The following BTK variants were observed in gnomAD, a reference collection of about 807,000 sequenced individuals.
BTK encodes the protein tyrosine-protein kinase BTK.
A neutral mutation model predicts 57.4 loss-of-function variants in BTK; 5 were observed. That is an observed-to-expected ratio of 0.09 (90% CI 0.05 to 0.18). The LOEUF is 0.18. BTK is among the 10% of genes least tolerant of loss of function. The pLI is 1.00. For missense variants in BTK, 194 were observed against 501.2 expected (o/e 0.39, Z 5.85); for synonymous variants, 154 against 174.3 (o/e 0.88, Z 0.92).
At chrX:101,379,784 GA>G (rs1555981527) in intron 1 of BTK, among the ~76,000 whole-genome samples, 1 of 103,992 alleles carries the variant, frequency 9.6e-6, no homozygotes, top group African/African-American at 4.3e-5. Flanking sequence ...CAGGAGATAA[GA>G]GAGTATTCAA....
Position 101,360,090 on chromosome X carries a change from A to G in BTK, c.837T>C (p.Tyr279=). 1 of 1,195,062 alleles carries G rather than the reference A, an allele frequency of 8.4e-7. No homozygotes were observed. The highest frequency in any genetic ancestry group is 1.1e-6 in the Non-Finnish European group (1 of 884,018). Residue 279 remains tyrosine, a splice_region_variant and synonymous_variant, in exon 9 of 19, where the codon TAT becomes TAC. Transcript: ENST00000308731. The part of the protein sequence containing the change: ...VTEAEDSIEM[Y]EWYSKHMTRS... ...TGGACTGACATAAACATACTTACTC[A>G]TACATTTCTATGGAGTCTTCTGCTT...
chrX:101,369,038 C>G (rs1307370768), intron 5 of BTK, among the ~76,000 whole-genome samples: 1 of 112,412 alleles, frequency 8.9e-6, no homozygotes, highest in African/African-American at 3.2e-5. Context: ...TGACATGTGG[C>G]TATATATACA....
At chrX:101,376,184 A>T (rs932712346) in intron 1 of BTK, among the ~76,000 whole-genome samples, 2 of 112,044 alleles carry the variant, frequency 1.8e-5, no homozygotes, top group African/African-American at 6.5e-5. Flanking sequence ...AGAAAGACAA[A>T]TAAAGTTCCC....
chrX:101,360,080 A>T lies in BTK; in HGVS notation c.839+8T>A. 3 of 1,179,124 alleles carry T rather than the reference A, an allele frequency of 2.5e-6. No homozygotes were observed. Among genetic ancestry groups the T allele is most frequent in the Non-Finnish European group, 3.4e-6 (3 of 870,398 alleles). ...TGGAAGATTGTGGACTGACATAAACATACTTACTCATACATTTCTATGGAG... is the reference window on the plus strand; with the variant it reads ...TGGAAGATTGTGGACTGACATAAACTTACTTACTCATACATTTCTATGGAG... On this transcript the variant is annotated splice_region_variant and intron_variant, in intron 9 of 18. Transcript: ENST00000308731.
intron 15 of BTK, chrX:101,355,584 G>GT (rs139150210): frequency 0.012 from 1,247 of 107,427 alleles, no homozygotes; most frequent in South Asian, 0.025. Context: ...AAATTCCAGG[G>GT]TTTTTTTTTT....
rs199950200 is a variant in BTK at position 101,350,089 on chromosome X, GA to G, written c.1909-134del. The stretch of plus-strand genomic sequence containing the variant: ...TAGCATGCCCTGTCGATTACAAAAG[GA>G]AAAAAAAAAAAAAAAGAAATAGCAG... On this transcript the variant is annotated intron_variant, in intron 18 of 18. Coordinates refer to ENST00000308731, the MANE Select transcript of BTK (RefSeq NM_000061.3). 44,096 of 291,160 alleles carry G rather than the reference GA, an allele frequency of 0.15. 5 individuals are homozygous for G. The highest frequency in any genetic ancestry group is 0.18 in the Middle Eastern group (181 of 1,006). The allele number at this position is 291,160 out of a possible 1,213,427, so 24.0% of individuals were successfully genotyped here. A position where few individuals can be genotyped will look rare whatever the true frequency, so the allele number is the denominator to read the frequency against.
At chrX:101,388,562 A>G (rs1038645509), upstream of BTK, among the ~76,000 whole-genome samples, 17 of 111,947 alleles carry the variant, frequency 1.5e-4, no homozygotes, top group African/African-American at 4.9e-4. Flanking sequence ...AGACTGGATG[A>G]CAGAAGAGGG....
intron 5 of BTK, among the ~76,000 whole-genome samples, chrX:101,364,302 G>A (rs1285080779): frequency 8.4e-5 from 9 of 107,313 alleles, no homozygotes; most frequent in Admixed American, 7.0e-4. Flanking sequence ...CCTGCTACTC[G>A]GGAGGCTGAG....
chrX:101,382,031 CAAAAAAA>C (rs576652772), intron 1 of BTK, among the ~76,000 whole-genome samples: 1 of 54,583 alleles, frequency 1.8e-5, no homozygotes, highest in Non-Finnish European at 3.5e-5. Context: ...GACTCCGTCT[CAAAAAAA>C]AAAAAAAAGA....
rs1555978480 is a variant in BTK, at chrX:101,360,629, C to A, written c.715G>T (p.Asp239Tyr). ...CTTTCCTCCAAGATAAAATATTCAT[C>A]ACCCTTCCGCAGCTGTAGATCATTT... Reference protein sequence around the residue: ...NANDLQLRKGDEYFILEESNL... With the variant: ...NANDLQLRKGYEYFILEESNL... Residue 239 changes from aspartate (D) to tyrosine (Y), a missense_variant, in exon 8 of 19, where the codon GAT becomes TAT. By Grantham distance (160) the Asp-to-Tyr change is radical. Around this residue, in one of 3 missense-constraint regions of BTK, gnomAD observed 115 missense variants for 258.3 expected, o/e 0.45. Coordinates refer to ENST00000308731, the MANE Select transcript of BTK (RefSeq NM_000061.3). The A allele has an allele frequency of 8.3e-7, 1 of 1,211,535 alleles. No homozygotes were observed. Among genetic ancestry groups the A allele is most frequent in the Non-Finnish European group, 1.1e-6 (1 of 895,466 alleles).
Position 101,362,238 on chromosome X carries a change from A to C in BTK, c.523T>G (p.Leu175Val). 1 of 1,211,772 alleles carries C rather than the reference A, an allele frequency of 8.3e-7. No individual in the cohort carries two copies. The highest frequency in any genetic ancestry group is 1.1e-6 in the Non-Finnish European group (1 of 895,309). ...TTCCGGTGAGAACTCCCAGGTTTTA[A>C]GCCTGCAAAACAAGAAGCCAGTGAT... ...CQILENRNGS[L>V]KPGSSHRKTK... The change falls in exon 7 of 19, where the codon TTA becomes GTA. Residue 175 changes from leucine (L) to valine (V), a missense_variant and splice_region_variant. By Grantham distance (32) the Leu-to-Val change is conservative (BLOSUM62 1). Transcript: ENST00000308731.
At position 101,362,668 on chromosome X, in the gene BTK, A is replaced by G. The variant is rs1257663205; in HGVS notation, c.413T>C (p.Leu138Pro). The G allele has an allele frequency of 8.2e-7, 1 of 1,212,382 alleles. No individual in the cohort carries two copies. The highest frequency in any genetic ancestry group is 1.1e-6 in the Non-Finnish European group (1 of 895,624). Residue 138 changes from leucine (L) to proline (P), a missense_variant, in exon 6 of 19, where the codon CTG becomes CCG. Leu to Pro is a moderately conservative substitution (Grantham distance 98). Transcript: ENST00000308731. Reference sequence around the variant, plus strand: ...GAAGCAAGGGTGATATTTCTGAACCAGATCACTGTTGTACCGGATTACTGT... The same window carrying G: ...GAAGCAAGGGTGATATTTCTGAACCGGATCACTGTTGTACCGGATTACTGT... ...LKNVIRYNSD[L>P]VQKYHPCFWI... is the part of the protein sequence containing the mutation.
chrX:101,368,906 TTTA>T (rs1174665226), intron 5 of BTK, among the ~76,000 whole-genome samples: 1 of 112,045 alleles, frequency 8.9e-6, no homozygotes, highest in African/African-American at 3.2e-5. Context: ...AATCTAAATG[TTTA>T]TTAAGACAAA....
chrX:101,356,604 A>C (rs1166125212), intron 14 of BTK, 180 bp downstream of exon 14: 9 of 519,892 alleles, frequency 1.7e-5, no homozygotes, highest in Non-Finnish European at 2.6e-5. Context: ...TTCTCAACCA[A>C]TATCTAAGGC....
At chrX:101,385,185 T>C (rs1927574190) in intron 1 of BTK, among the ~76,000 whole-genome samples, 1 of 111,206 alleles carries the variant, frequency 9.0e-6, no homozygotes, top group East Asian at 2.8e-4. Flanking sequence ...ATTTGTTAAG[T>C]GCTAACTGTA....
In BTK at chrX:101,374,560, A is replaced by C. The variant is rs1555980789; in HGVS notation, c.216T>G (p.Asn72Lys). 1 of 1,209,103 alleles carries C rather than the reference A, an allele frequency of 8.3e-7. No homozygotes were observed. The highest frequency in any genetic ancestry group is 1.1e-6 in the Non-Finnish European group (1 of 894,371). The part of the protein sequence containing the change: ...TCVETVVPEK[N>K]PPPERQIPRR... ...CCGGAATCTGTCTTTCTGGAGGAGG[A>C]TTTTTTTCAGGAACCACTGTTTCAA... The change falls in exon 3 of 19, where the codon AAT becomes AAG. Residue 72 changes from asparagine (N) to lysine (K), a missense_variant. By Grantham distance (94) the Asn-to-Lys change is moderately conservative. Transcript: ENST00000308731.
chrX:101,350,506 G>A (rs1466223612), intron 18 of BTK, among the ~76,000 whole-genome samples: 2 of 101,708 alleles, frequency 2.0e-5, no homozygotes, highest in Non-Finnish European at 3.9e-5. Flanking sequence ...AGGCTGGAGT[G>A]CAGTGGTGTG....
At chrX:101,366,966 G>A (rs961310495) in intron 5 of BTK, among the ~76,000 whole-genome samples, 4 of 112,573 alleles carry the variant, frequency 3.6e-5, no homozygotes, top group African/African-American at 9.7e-5. Context: ...AAGCTCGGCT[G>A]GGCATAGTGG....
chrX:101,362,545 C>A lies in BTK; in HGVS notation c.520+16G>T. ...CAGTCAAAGGAGAAAGAAATTATAT[C>A]GATCAGATTGCTTACTTCCATTCCT... is the stretch of plus-strand genomic sequence containing the variant. On this transcript the variant is annotated intron_variant, in intron 6 of 18. Coordinates refer to ENST00000308731, the MANE Select transcript of BTK (RefSeq NM_000061.3). 8.3e-7 allele frequency: 1 copy of A among 1,211,449 alleles called. No homozygotes were observed. Among genetic ancestry groups the A allele is most frequent in the Non-Finnish European group, 1.1e-6 (1 of 895,333 alleles).
Sources: gnomAD v4.1 joint callset for allele counts (sites outside exome capture counted in the v4.1 genomes callset) on GRCh38, gnomAD v4.1.1 for gene constraint, gnomAD v4.1.1 regional missense constraint, MANE v1.5 for transcripts, NCBI Gene and HGNC (gene_info 2026-07-23, HGNC 2026-07-21) for gene names.